Variants in UBE2N observed in about 807,000 individuals in gnomAD.
UBE2N encodes the protein ubiquitin-conjugating enzyme E2 N.
For missense variants in UBE2N, 60 were observed against 192.1 expected, an observed-to-expected ratio of 0.31 and a Z score of 4.07; for synonymous variants, 70 against 69.2, an observed-to-expected ratio of 1.01 and a Z score of -0.06.
chr12:93,435,739 T>C (rs944331144), intron 1 of UBE2N, among the ~76,000 whole-genome samples: 2 of 152,202 alleles, frequency 1.3e-5, no homozygotes, highest in Non-Finnish European at 2.9e-5. Flanking sequence ...AAAAAATGTG[T>C]GTACTTCAAA....
chr12:93,410,667 A>T, intron 3 of UBE2N, 67 bp downstream of exon 3: 1 of 1,592,370 alleles, frequency 6.3e-7, no homozygotes, highest in South Asian at 1.1e-5. Context: ...GAGCTTTAGA[A>T]AAGTTTAAGT....
At chr12:93,435,727 G>C in intron 1 of UBE2N, among the ~76,000 whole-genome samples, 1 of 151,980 alleles carries the variant, frequency 6.6e-6, no homozygotes, top group East Asian at 1.9e-4. Flanking sequence ...AACAGTAACA[G>C]GAAAAAATGT....
At chr12:93,410,954 C>T in intron 2 of UBE2N, 80 bp from the exon 3 acceptor site, 1 of 1,613,670 alleles carries the variant, frequency 6.2e-7, no homozygotes, top group Non-Finnish European at 8.5e-7. Flanking sequence ...CCACAGACCT[C>T]TCTGATCTTT....
At chr12:93,434,094 C>T (rs1592750780) in intron 1 of UBE2N, among the ~76,000 whole-genome samples, 1 of 152,108 alleles carries the variant, frequency 6.6e-6, no homozygotes, top group East Asian at 1.9e-4. Context: ...AGATTGAAAC[C>T]ATCCTGGCCA....
At chr12:93,411,611 A>AT (rs1419137350) in intron 1 of UBE2N, among the ~76,000 whole-genome samples, 1 of 151,588 alleles carries the variant, frequency 6.6e-6, no homozygotes, top group African/African-American at 2.4e-5. Context: ...TTAGGATTAC[A>AT]TAAGTAAGGC....
intron 1 of UBE2N, among the ~76,000 whole-genome samples, chr12:93,419,817 G>C (rs542617956): frequency 2.0e-5 from 3 of 152,238 alleles, no homozygotes; most frequent in African/African-American, 7.2e-5. Flanking sequence ...GATTCCAACA[G>C]TAAATAAAAT....
In UBE2N at chr12:93,409,100, T is replaced by G. The variant is rs1877954525; in HGVS notation, c.*939A>C. On this transcript the variant is annotated 3_prime_UTR_variant, in exon 4 of 4. Transcript: ENST00000318066. ...ACAACACAAACACATTTATTTCAAA[T>G]TCCTAGAAGGTTAAAAAAAGGTCAG... 1 of 152,650 alleles carries G rather than the reference T, an allele frequency of 6.6e-6. No individual in the cohort carries two copies. The highest frequency in any genetic ancestry group is 1.5e-5 in the Non-Finnish European group (1 of 68,040). 9.5% of individuals were successfully genotyped at this position (152,650 alleles called of 1,614,324 possible).
At chr12:93,421,277 C>T (rs1194808276) in intron 1 of UBE2N, among the ~76,000 whole-genome samples, 3 of 151,924 alleles carry the variant, frequency 2.0e-5, no homozygotes, top group Admixed American at 6.6e-5. Context: ...TCTCAGCTCA[C>T]TGCAAGCTCC....
chr12:93,424,571 G>C (rs1878518482), intron 1 of UBE2N, among the ~76,000 whole-genome samples: 1 of 152,222 alleles, frequency 6.6e-6, no homozygotes, highest in Non-Finnish European at 1.5e-5. Context: ...AAAGCATGCA[G>C]ATATTGGAGG....
intron 1 of UBE2N, among the ~76,000 whole-genome samples, chr12:93,420,472 G>T (rs1368642513): frequency 6.6e-6 from 1 of 152,116 alleles, no homozygotes; most frequent in African/African-American, 2.4e-5. Context: ...TTTCTCCCTT[G>T]TACTTCCAGT....
chr12:93,425,118 C>T (rs951784039), intron 1 of UBE2N, among the ~76,000 whole-genome samples: 3 of 152,084 alleles, frequency 2.0e-5, no homozygotes, highest in Non-Finnish European at 4.4e-5. Context: ...CATTCTAATC[C>T]TTCCAATTAC....
At chr12:93,429,806 A>T (rs1239160080) in intron 1 of UBE2N, among the ~76,000 whole-genome samples, 1 of 152,174 alleles carries the variant, frequency 6.6e-6, no homozygotes, top group African/African-American at 2.4e-5. Context: ...TAAGAGAAAA[A>T]AGCTTATAGG....
chr12:93,427,726 T>C (rs1399521385), intron 1 of UBE2N, among the ~76,000 whole-genome samples: 2 of 152,136 alleles, frequency 1.3e-5, no homozygotes, highest in African/African-American at 4.8e-5. Context: ...ACACTTTGAG[T>C]GGGTGAATTT....
chr12:93,437,403 A>T (rs988423376), intron 1 of UBE2N, among the ~76,000 whole-genome samples: 8 of 151,450 alleles, frequency 5.3e-5, no homozygotes, highest in African/African-American at 1.9e-4. Flanking sequence ...AGGTGGTTAG[A>T]GGGGAAGAGA....
rs1289211593 is a variant in UBE2N, at chr12:93,405,931, A to G, written c.*4108T>C. Reference sequence around the variant, plus strand: ...TATCATGGTATTTTCTTTTTTGGCCAGCTTTTCTAGATAAGGTTGTATTGC... The same window carrying G: ...TATCATGGTATTTTCTTTTTTGGCCGGCTTTTCTAGATAAGGTTGTATTGC... On this transcript the variant is annotated 3_prime_UTR_variant, in exon 4 of 4. Coordinates refer to ENST00000318066, the MANE Select transcript of UBE2N (RefSeq NM_003348.4). The G allele has an allele frequency of 2.0e-5, 3 of 152,102 alleles. No homozygotes were observed. Among genetic ancestry groups the G allele is most frequent in the African/African-American group, 7.2e-5 (3 of 41,412 alleles). 9.4% of individuals were successfully genotyped at this position (152,102 alleles called of 1,614,324 possible).
intron 1 of UBE2N, among the ~76,000 whole-genome samples, chr12:93,420,077 A>G (rs1255367213): frequency 6.6e-6 from 1 of 152,160 alleles, no homozygotes; most frequent in Non-Finnish European, 1.5e-5. Flanking sequence ...TTAAATCTCA[A>G]AATTTCTTAG....
At chr12:93,434,474 G>C (rs1303191688) in intron 1 of UBE2N, among the ~76,000 whole-genome samples, 1 of 152,176 alleles carries the variant, frequency 6.6e-6, no homozygotes, top group East Asian at 1.9e-4. Flanking sequence ...TGGACTAAAG[G>C]AACTGCTTGA....
intron 2 of UBE2N, 51 bp from the exon 3 acceptor site, chr12:93,410,925 G>T (rs1189079424): frequency 6.2e-7 from 1 of 1,613,794 alleles, no homozygotes; most frequent in Non-Finnish European, 8.5e-7. Context: ...AACAGGCCCA[G>T]AACTGCTTCA....
At chr12:93,415,190 C>G (rs1035894076) in intron 1 of UBE2N, among the ~76,000 whole-genome samples, 3 of 151,580 alleles carry the variant, frequency 2.0e-5, no homozygotes, top group African/African-American at 7.3e-5. Flanking sequence ...TAAATGAGAA[C>G]ATTTTATTTA....
Sources: gnomAD v4.1 joint callset for allele counts (sites outside exome capture counted in the v4.1 genomes callset) on GRCh38, gnomAD v4.1.1 for gene constraint, MANE v1.5 for transcripts, NCBI Gene and HGNC (gene_info 2026-07-23, HGNC 2026-07-21) for gene names.